Variants in ABAT observed in about 807,000 individuals in gnomAD.
The protein encoded by ABAT is 4-aminobutyrate aminotransferase, mitochondrial.
Under a neutral mutation model 64.6 loss-of-function variants are expected in ABAT, and 45 were observed. That is an observed-to-expected ratio of 0.70 (90% CI 0.55 to 0.89). ABAT has a LOEUF of 0.89. Among genes scored for constraint, ABAT ranks in the 40% least tolerant of loss-of-function variants. The pLI, the probability that ABAT is intolerant of heterozygous loss-of-function variation, is 0.00. For missense variants in ABAT, 633 were observed against 658.4 expected (o/e 0.96, Z 0.42); for synonymous variants, 297 against 250.5 (o/e 1.19, Z -1.75).
At chr16:8,739,527 G>C (rs2059099240) in intron 2 of ABAT, among the ~76,000 whole-genome samples, 1 of 152,040 alleles carries the variant, frequency 6.6e-6, no homozygotes, top group Non-Finnish European at 1.5e-5. Flanking sequence ...GGACCAGCCT[G>C]GCCAACATGA....
intron 6 of ABAT, among the ~76,000 whole-genome samples, chr16:8,762,626 C>T (rs1039100941): frequency 4.3e-4 from 65 of 152,178 alleles, no homozygotes; most frequent in African/African-American, 1.4e-3. Flanking sequence ...CACGCTTTCT[C>T]GAGCAAGAAC....
At position 8,735,602 on chromosome 16, in the gene ABAT, A is replaced by C. The variant is rs528906333; in HGVS notation, c.-41-97A>C. 12 of 1,008,446 alleles carry C rather than the reference A, an allele frequency of 1.2e-5. No homozygotes were observed. The African/African-American group carries it at 1.9e-4, about 16-fold the overall frequency. The allele number at this position is 1,008,446 out of a possible 1,614,324, so 62.5% of individuals were successfully genotyped here. ...CCAAGCATTTGACAATGTCAGAAGA[A>C]CTTTCTCTATTAGGTGGGAAGTGGT... On this transcript the variant is annotated intron_variant, in intron 1 of 15. Coordinates refer to ENST00000268251, the MANE Select transcript of ABAT (RefSeq NM_020686.6).
At chr16:8,730,096 T>C (rs1227423168) in intron 1 of ABAT, among the ~76,000 whole-genome samples, 1 of 152,194 alleles carries the variant, frequency 6.6e-6, no homozygotes, top group African/African-American at 2.4e-5. Flanking sequence ...CTCTGTCTTC[T>C]AGGAGCTGCC....
chr16:8,719,242 G>A lies in ABAT; in HGVS notation c.-41-16457G>A, dbSNP rs111629636. ...TTTTACAAGCCGGACCTTCTGTGGCGTTGGCCCGGGTAGCTACTTCAGCAT... is the reference window on the plus strand; with the variant it reads ...TTTTACAAGCCGGACCTTCTGTGGCATTGGCCCGGGTAGCTACTTCAGCAT... On this transcript the variant is annotated intron_variant, in intron 1 of 15. Coordinates refer to ENST00000268251, the MANE Select transcript of ABAT (RefSeq NM_020686.6). 7.7e-4 allele frequency among the ~76,000 whole-genome samples: 117 copies of A among 152,312 alleles called. 2 individuals are homozygous for A. Among genetic ancestry groups the A allele is most frequent in the African/African-American group, 2.6e-3 (106 of 41,554 alleles).
chr16:8,759,203 A>T (rs1273433), intron 6 of ABAT, among the ~76,000 whole-genome samples: 130,874 of 152,112 alleles, frequency 0.86, 57,302 homozygotes, highest in East Asian at 1. Flanking sequence ...ATGTAACCAA[A>T]GTTTCACAAC....
intron 3 of ABAT, among the ~76,000 whole-genome samples, 187 bp from the exon 4 acceptor site, chr16:8,747,921 G>A (rs995283423): frequency 3.9e-5 from 6 of 152,058 alleles, no homozygotes; most frequent in African/African-American, 7.3e-5. Context: ...TAATTTAAGC[G>A]TGTAATGGAA....
rs945033237 is a variant in ABAT at position 8,781,173 on chromosome 16, C to A, written c.1382-136C>A. On this transcript the variant is annotated intron_variant, in intron 15 of 15. Transcript: ENST00000268251. The surrounding 1 kb of genome is among the most constrained non-coding windows in gnomAD (Gnocchi z 4.5). ...GTGGGTGGTAGGAAGGAAGCCCGGG[C>A]TTCCATGATGGAGGATGATGGATGG... The A allele has an allele frequency of 2.1e-6, 3 of 1,416,030 alleles. No homozygotes were observed. The highest frequency in any genetic ancestry group is 2.9e-5 in the African/African-American group (2 of 68,500). The allele number at this position is 1,416,030 out of a possible 1,614,324, so 87.7% of individuals were successfully genotyped here.
chr16:8,676,758 G>A, intron 1 of ABAT, among the ~76,000 whole-genome samples: 1 of 152,186 alleles, frequency 6.6e-6, no homozygotes. Context: ...CAGGTCCTGA[G>A]GATGTCATAT....
At chr16:8,704,853 T>G (rs1038649136) in intron 1 of ABAT, among the ~76,000 whole-genome samples, 5 of 152,106 alleles carry the variant, frequency 3.3e-5, no homozygotes, top group African/African-American at 1.2e-4. Context: ...AAAAAAAAAT[T>G]TTTAAATTTT....
intron 1 of ABAT, among the ~76,000 whole-genome samples, chr16:8,697,229 A>T (rs147520509): frequency 5.9e-4 from 90 of 152,282 alleles, no homozygotes; most frequent in African/African-American, 2.1e-3. Context: ...GACACAGCAG[A>T]TGCATGGCAG....
Position 8,746,026 on chromosome 16 carries a change from A to G in ABAT, c.96A>G (p.Ala32=). ...VPGSRHISQA[A]AKVDVEFDYD... ...GATCCAGACACATTAGTCAAGCTGC[A>G]GCCAAAGTCGACGTTGAATTTGATT... is the stretch of plus-strand genomic sequence containing the variant. The change falls in exon 3 of 16, where the codon GCA becomes GCG. Residue 32 remains alanine (A), a synonymous_variant. Transcript: ENST00000268251. 1 of 1,614,106 alleles carries G rather than the reference A, an allele frequency of 6.2e-7. No individual in the cohort carries two copies. The highest frequency in any genetic ancestry group is 8.5e-7 in the Non-Finnish European group (1 of 1,179,982).
chr16:8,675,517 C>A (rs2057177507), intron 1 of ABAT, among the ~76,000 whole-genome samples: 1 of 152,154 alleles, frequency 6.6e-6, no homozygotes, highest in Non-Finnish European at 1.5e-5. Flanking sequence ...CGCTCCCAAT[C>A]CCATCCTTCT....
intron 8 of ABAT, 72 bp from the exon 9 acceptor site, chr16:8,766,136 G>A (rs2059935818): frequency 7.0e-7 from 1 of 1,427,120 alleles, no homozygotes; most frequent in East Asian, 2.3e-5. Context: ...CTGAATATCG[G>A]TTTGGTTGGA....
intron 5 of ABAT, among the ~76,000 whole-genome samples, chr16:8,751,483 A>G (rs142732901): frequency 3.5e-4 from 54 of 152,284 alleles, no homozygotes; most frequent in Non-Finnish European, 6.5e-4. Context: ...GAATAAGCTA[A>G]GAAGGATGAG....
intron 6 of ABAT, 96 bp downstream of exon 6, chr16:8,757,902 C>A (rs562894713): frequency 1.5e-6 from 2 of 1,339,354 alleles, no homozygotes; most frequent in Non-Finnish European, 2.1e-6. Context: ...TTCATTCATT[C>A]ATTCATTCCA....
chr16:8,707,259 T>C (rs548536619), intron 1 of ABAT, among the ~76,000 whole-genome samples: 3 of 151,916 alleles, frequency 2.0e-5, no homozygotes, highest in African/African-American at 7.2e-5. Flanking sequence ...CAATCATGGC[T>C]CACTGCAGCC....
chr16:8,728,063 C>A (rs578025865), intron 1 of ABAT, among the ~76,000 whole-genome samples: 1 of 136,270 alleles, frequency 7.3e-6, no homozygotes, highest in East Asian at 2.4e-4. Context: ...AGAGTGAGAC[C>A]CTGTCAGAGA....
At chr16:8,778,330 A>C (rs1596473768) in intron 14 of ABAT, among the ~76,000 whole-genome samples, 1 of 152,208 alleles carries the variant, frequency 6.6e-6, no homozygotes, top group East Asian at 1.9e-4. Context: ...CTGGGGGAGA[A>C]TCTGTTCCAT....
In ABAT at chr16:8,723,323, T is replaced by A. The variant is rs74732034; in HGVS notation, c.-41-12376T>A. On this transcript the variant is annotated intron_variant, in intron 1 of 15. Coordinates refer to ENST00000268251, the MANE Select transcript of ABAT (RefSeq NM_020686.6). ...GATGATGGCAAGTTGGACCAGAGCATGTTGGAGACTTGTGCACCAGCAGGG... is the reference window on the plus strand; with the variant it reads ...GATGATGGCAAGTTGGACCAGAGCAAGTTGGAGACTTGTGCACCAGCAGGG... Among the ~76,000 whole-genome samples, 980 of 152,292 alleles carry A rather than the reference T, an allele frequency of 6.4e-3. 11 individuals are homozygous for A. Among genetic ancestry groups the A allele is most frequent in the African/African-American group, 0.022 (931 of 41,562 alleles).
Sources: gnomAD v4.1 joint callset for allele counts (sites outside exome capture counted in the v4.1 genomes callset) on GRCh38, gnomAD v4.1.1 for gene constraint, Gnocchi (gnomAD v3.1) non-coding constraint, MANE v1.5 for transcripts, NCBI Gene and HGNC (gene_info 2026-07-23, HGNC 2026-07-21) for gene names.